The following PCDH15 variants were observed in gnomAD, a reference collection of about 807,000 sequenced individuals.
PCDH15 encodes the protein protocadherin related 15.
Under a neutral mutation model 178.5 loss-of-function variants are expected in PCDH15, and 129 were observed. The observed-to-expected ratio is 0.72, with a 90% confidence interval of 0.63 to 0.84. The LOEUF is 0.84. PCDH15 is among the 40% of genes least tolerant of loss of function. The pLI is 0.00. For missense variants in PCDH15, 2,230 were observed against 2,099.9 expected (o/e 1.06, Z -1.21); for synonymous variants, 800 against 732.0 (o/e 1.09, Z -1.50).
intron 3 of PCDH15, among the ~76,000 whole-genome samples, chr10:54,424,740 T>A (rs1432104512): frequency 6.6e-6 from 1 of 151,764 alleles, no homozygotes; most frequent in Non-Finnish European, 1.5e-5. Context: ...ACCATCATTC[T>A]GAGCAAACTA....
At chr10:54,712,953 A>G (rs1022515755) in intron 1 of PCDH15, among the ~76,000 whole-genome samples, 3 of 152,070 alleles carry the variant, frequency 2.0e-5, no homozygotes, top group Non-Finnish European at 4.4e-5. Context: ...GAGATGTATG[A>G]TAGAAAACGT....
intron 8 of PCDH15, among the ~76,000 whole-genome samples, chr10:54,280,504 T>C (rs972536354): frequency 6.6e-6 from 1 of 151,780 alleles, no homozygotes; most frequent in Non-Finnish European, 1.5e-5. Context: ...TGCTACATGT[T>C]AGAATAAATG....
intron 2 of PCDH15, among the ~76,000 whole-genome samples, chr10:55,468,811 T>A (rs1160287263): frequency 6.6e-6 from 1 of 152,132 alleles, no homozygotes; most frequent in Non-Finnish European, 1.5e-5. Context: ...AAGAAAAACA[T>A]TCTACCCTGA....
intron 1 of PCDH15, among the ~76,000 whole-genome samples, chr10:55,229,447 T>G (rs1841149195): frequency 6.6e-6 from 1 of 151,842 alleles, no homozygotes; most frequent in Non-Finnish European, 1.5e-5. Context: ...GTAAATACAC[T>G]AAAAGAAAAA....
At chr10:55,167,168 C>T (rs1444662) in intron 1 of PCDH15, among the ~76,000 whole-genome samples, 71,587 of 151,856 alleles carry the variant, frequency 0.47, 17,412 homozygotes, top group South Asian at 0.58. Flanking sequence ...GATTGGAGTG[C>T]AGTGGCACAA....
At chr10:54,381,879 CAATCCA>C (rs1266310929) in intron 3 of PCDH15, among the ~76,000 whole-genome samples, 1 of 152,000 alleles carries the variant, frequency 6.6e-6, no homozygotes. Context: ...GCTTAGAATC[CAATCCA>C]TAATCCACCA....
intron 2 of PCDH15, among the ~76,000 whole-genome samples, chr10:55,436,655 A>C (rs1839046488): frequency 6.6e-6 from 1 of 152,128 alleles, no homozygotes; most frequent in South Asian, 2.1e-4. Flanking sequence ...TTGAGTTATA[A>C]GTTTATACAA....
At chr10:54,924,383 T>C (rs1414437517) in intron 2 of PCDH15, among the ~76,000 whole-genome samples, 1 of 138,100 alleles carries the variant, frequency 7.2e-6, no homozygotes, top group African/African-American at 2.5e-5. Context: ...TTTGCTATTG[T>C]GCATACTACA....
intron 17 of PCDH15, among the ~76,000 whole-genome samples, chr10:54,077,978 A>T (rs1308614794): frequency 6.6e-6 from 1 of 152,034 alleles, no homozygotes; most frequent in African/African-American, 2.4e-5. Context: ...CAGGAGAATC[A>T]CTTGAACCCG....
intron 21 of PCDH15, among the ~76,000 whole-genome samples, chr10:53,968,370 G>C (rs2089280473): frequency 6.6e-6 from 1 of 152,156 alleles, no homozygotes; most frequent in Non-Finnish European, 1.5e-5. Flanking sequence ...GAACCGGGTG[G>C]AGCCCACCAC....
chr10:55,315,858 A>G (rs188970061), intron 1 of PCDH15, among the ~76,000 whole-genome samples: 39 of 152,240 alleles, frequency 2.6e-4, no homozygotes, highest in Non-Finnish European at 4.6e-4. Flanking sequence ...TCTACTAAAA[A>G]TACAAAAATT....
At chr10:54,529,496 T>C (rs1408457694) in intron 2 of PCDH15, among the ~76,000 whole-genome samples, 1 of 152,076 alleles carries the variant, frequency 6.6e-6, no homozygotes, top group Non-Finnish European at 1.5e-5. Flanking sequence ...ATGTTTCTTT[T>C]GGAGAAAATG....
chr10:54,157,532 T>C (rs1288185434), intron 13 of PCDH15, among the ~76,000 whole-genome samples: 1 of 152,164 alleles, frequency 6.6e-6, no homozygotes, highest in Non-Finnish European at 1.5e-5. Context: ...AACAATTTTT[T>C]CCTCATAGGC....
At chr10:54,291,636 G>T (rs149928103) in intron 8 of PCDH15, among the ~76,000 whole-genome samples, 5,539 of 152,214 alleles carry the variant, frequency 0.036, 128 homozygotes, top group Admixed American at 0.091. Flanking sequence ...TGACAAAGTG[G>T]ATATCACCAC....
intron 18 of PCDH15, among the ~76,000 whole-genome samples, chr10:54,034,345 G>A (rs2093368135): frequency 6.6e-6 from 1 of 151,744 alleles, no homozygotes; most frequent in Non-Finnish European, 1.5e-5. Flanking sequence ...TAACATCACA[G>A]GGATAGAGCC....
At chr10:55,382,270 C>A (rs540536656) in intron 2 of PCDH15, among the ~76,000 whole-genome samples, 70 of 152,128 alleles carry the variant, frequency 4.6e-4, no homozygotes, top group African/African-American at 1.6e-3. Context: ...TATCCAAATC[C>A]CTGCGAGCTG....
intron 2 of PCDH15, among the ~76,000 whole-genome samples, chr10:55,616,923 A>G (rs978188322): frequency 1.3e-5 from 2 of 152,092 alleles, no homozygotes; most frequent in African/African-American, 4.8e-5. Flanking sequence ...TAAGTACATT[A>G]TTATGTTACA....
intron 2 of PCDH15, among the ~76,000 whole-genome samples, chr10:54,917,554 T>C (rs888128201): frequency 6.6e-6 from 1 of 152,280 alleles, no homozygotes; most frequent in South Asian, 2.1e-4. Context: ...ACTTTGCACG[T>C]CTAACTTAAG....
intron 27 of PCDH15, among the ~76,000 whole-genome samples, chr10:53,860,704 C>A (rs1007249760): frequency 3.1e-5 from 4 of 128,094 alleles, no homozygotes; most frequent in African/African-American, 1.2e-4. Context: ...GCACTCCAGT[C>A]TGGGCGAGAG....
Sources: gnomAD v4.1 joint callset for allele counts (sites outside exome capture counted in the v4.1 genomes callset) on GRCh38, gnomAD v4.1.1 for gene constraint, MANE v1.5 for transcripts, NCBI Gene and HGNC (gene_info 2026-07-23, HGNC 2026-07-21) for gene names.